Variants in CFAP161 observed in about 807,000 individuals in gnomAD.
CFAP161 encodes the protein cilia and flagella associated protein 161, also known as cilia- and flagella-associated protein 161.
A neutral mutation model predicts 29.0 loss-of-function variants in CFAP161; 25 were observed. The ratio of observed to expected loss-of-function variants is 0.86; its 90% CI spans 0.63 to 1.20. The LOEUF is 1.20. CFAP161 is among the 50% of genes most tolerant of loss of function. CFAP161 has a pLI of 0.00. For synonymous variants in CFAP161, 116 were observed against 137.4 expected, an observed-to-expected ratio of 0.84 and a Z score of 1.09; for missense variants, 367 against 371.9, an observed-to-expected ratio of 0.99 and a Z score of 0.11.
Position 81,148,773 on chromosome 15 carries a change from T to TA in CFAP161, c.*240_*241insA, listed in dbSNP as rs1221745530. 4 of 366,180 alleles carry TA rather than the reference T, an allele frequency of 1.1e-5. No homozygotes were observed. The highest frequency in any genetic ancestry group is 8.1e-5 in the African/African-American group (4 of 49,278). The allele number at this position is 366,180 out of a possible 1,614,324, so 22.7% of individuals were successfully genotyped here. On this transcript the variant is annotated 3_prime_UTR_variant, in exon 7 of 7. Transcript: ENST00000286732. Reference sequence around the variant, plus strand: ...AAAGTGACAAACAATAGCCTTTTGTTGATAAACAAATTCTGAAGAACTCAG... The same window carrying TA: ...AAAGTGACAAACAATAGCCTTTTGTTAGATAAACAAATTCTGAAGAACTCAG...
intron 1 of CFAP161, chr15:81,117,882 ATCC>A (rs1209591920): frequency 5.2e-6 from 2 of 382,358 alleles, no homozygotes; most frequent in Non-Finnish European, 1.0e-5. Flanking sequence ...CTCCTTCTTC[ATCC>A]TCCTCCTCTT....
In CFAP161 at chr15:81,134,312, G is replaced by A; in HGVS notation, c.-18G>A. On this transcript the variant is annotated 5_prime_UTR_variant, in exon 1 of 7. Coordinates refer to ENST00000286732, the MANE Select transcript of CFAP161 (RefSeq NM_173528.4). Reference sequence around the variant, plus strand: ...CATGGTGTCGGAGGGAGGCCCACTTGCTGAACAGCAGGGAGCGATGGCGCA... The same window carrying A: ...CATGGTGTCGGAGGGAGGCCCACTTACTGAACAGCAGGGAGCGATGGCGCA... 1 of 1,577,908 alleles carries A rather than the reference G, an allele frequency of 6.3e-7. No homozygotes were observed. Among genetic ancestry groups the A allele is most frequent in the Non-Finnish European group, 8.6e-7 (1 of 1,162,138 alleles).
intron 1 of CFAP161, among the ~76,000 whole-genome samples, chr15:81,112,406 G>T (rs748265788): frequency 6.6e-6 from 1 of 152,028 alleles, no homozygotes; most frequent in South Asian, 2.1e-4. Context: ...GTAATGAAAG[G>T]CTCCAATTAA....
chr15:81,129,420 A>T (rs1165349232), upstream of CFAP161, among the ~76,000 whole-genome samples: 4 of 152,314 alleles, frequency 2.6e-5, no homozygotes, highest in East Asian at 7.7e-4. Context: ...GGAAGGTGAA[A>T]GGCACATCTC....
At chr15:81,134,222 G>T, upstream of CFAP161, 2 of 1,335,850 alleles carry the variant, frequency 1.5e-6, no homozygotes, top group Non-Finnish European at 2.1e-6. Flanking sequence ...TTATTGGCCA[G>T]CAGGGTCCCA....
upstream of CFAP161, among the ~76,000 whole-genome samples, chr15:81,131,250 C>A (rs1894708041): frequency 6.6e-6 from 1 of 151,546 alleles, no homozygotes; most frequent in Admixed American, 6.6e-5. Flanking sequence ...AATCATGAGA[C>A]CTGCAAAGAA....
chr15:81,141,422 C>T (rs1034339394), intron 4 of CFAP161, among the ~76,000 whole-genome samples: 5 of 152,084 alleles, frequency 3.3e-5, no homozygotes, highest in African/African-American at 1.2e-4. Context: ...AGATCACTTA[C>T]TCTTATTAAT....
In CFAP161 at chr15:81,138,041, C is replaced by T. The variant is rs776729563; in HGVS notation, c.393-10C>T. 10 of 1,571,786 alleles carry T rather than the reference C, an allele frequency of 6.4e-6. No individual in the cohort carries two copies. In the African/African-American group the frequency reaches 9.5e-5, roughly 15 times the overall value. ...TTTACATTTACATTATACTTATTGTCCACTGACAGTGTACACAGAGATGCC... is the reference window on the plus strand; with the variant it reads ...TTTACATTTACATTATACTTATTGTTCACTGACAGTGTACACAGAGATGCC... On this transcript the variant is annotated splice_polypyrimidine_tract_variant and intron_variant, in intron 3 of 6. Coordinates refer to ENST00000286732, the MANE Select transcript of CFAP161 (RefSeq NM_173528.4).
intron 1 of CFAP161, among the ~76,000 whole-genome samples, chr15:81,103,167 TA>T (rs1161416470): frequency 2.0e-5 from 3 of 152,238 alleles, no homozygotes; most frequent in African/African-American, 7.2e-5. Context: ...ATTAACTCAT[TA>T]ACTCATTTAC....
intron 1 of CFAP161, among the ~76,000 whole-genome samples, chr15:81,099,909 G>GT (rs1390486840): frequency 3.3e-5 from 5 of 151,614 alleles, no homozygotes; most frequent in Non-Finnish European, 5.9e-5. Flanking sequence ...ATTTCCAAAG[G>GT]TTTTTTTTCC....
At chr15:81,114,233 TG>T (rs1222592941) in intron 1 of CFAP161, among the ~76,000 whole-genome samples, 1 of 152,262 alleles carries the variant, frequency 6.6e-6, no homozygotes, top group African/African-American at 2.4e-5. Context: ...CATAGATTTT[TG>T]TTTTCCCAGT....
At chr15:81,147,361 G>A (rs1439741025) in intron 5 of CFAP161, among the ~76,000 whole-genome samples, 5 of 152,034 alleles carry the variant, frequency 3.3e-5, no homozygotes, top group Non-Finnish European at 7.4e-5. Context: ...ATGGACCACC[G>A]ATTTTTCCTG....
intron 4 of CFAP161, among the ~76,000 whole-genome samples, chr15:81,139,561 C>T (rs1021982919): frequency 1.3e-4 from 20 of 151,970 alleles, no homozygotes; most frequent in Non-Finnish European, 1.9e-4. Context: ...TTTAAAATGA[C>T]GAAATCATTT....
At chr15:81,105,963 G>A (rs1292058130) in intron 1 of CFAP161, among the ~76,000 whole-genome samples, 2 of 152,130 alleles carry the variant, frequency 1.3e-5, no homozygotes, top group Non-Finnish European at 2.9e-5. Context: ...AGGCTATGTC[G>A]ATGAAACAAA....
At chr15:81,105,706 A>T (rs2663946) in intron 1 of CFAP161, among the ~76,000 whole-genome samples, 71,289 of 152,174 alleles carry the variant, frequency 0.47, 20,468 homozygotes, top group Non-Finnish European at 0.66. Flanking sequence ...GGCTGCTATG[A>T]GATCCAGATG....
intron 1 of CFAP161, among the ~76,000 whole-genome samples, chr15:81,119,959 C>T (rs999619885): frequency 5.3e-5 from 8 of 151,972 alleles, no homozygotes; most frequent in African/African-American, 1.9e-4. Context: ...AAGTTATTAT[C>T]CAGAGTGATA....
At chr15:81,136,874 A>G (rs1196044040) in intron 3 of CFAP161, 126 bp downstream of exon 3, 7 of 755,086 alleles carry the variant, frequency 9.3e-6, no homozygotes, top group South Asian at 3.7e-5. Context: ...CGTGATTTTC[A>G]TCTTGCTTTG....
intron 1 of CFAP161, 101 bp downstream of exon 1, chr15:81,134,499 T>C (rs1356833934): frequency 8.4e-7 from 1 of 1,196,964 alleles, no homozygotes; most frequent in African/African-American, 1.5e-5. Flanking sequence ...CTCCTCTCTC[T>C]CCCAGCATAC....
upstream of CFAP161, among the ~76,000 whole-genome samples, chr15:81,131,816 A>G (rs1299563638): frequency 6.6e-6 from 1 of 152,226 alleles, no homozygotes; most frequent in Non-Finnish European, 1.5e-5. Flanking sequence ...TGAAAAGAGC[A>G]TTAATTTACA....
Sources: allele counts gnomAD v4.1 joint callset (sites outside exome capture counted in the v4.1 genomes callset), GRCh38; gene constraint gnomAD v4.1.1; transcripts MANE v1.5; gene names NCBI Gene and HGNC (gene_info 2026-07-23, HGNC 2026-07-21).